RIC3: variants seen among roughly 807,000 people sequenced by gnomAD.
RIC3 encodes the protein protein RIC-3.
Under a neutral mutation model 27.3 loss-of-function variants are expected in RIC3, and 28 were observed. The ratio of observed to expected loss-of-function variants is 1.02; its 90% CI spans 0.76 to 1.41. The LOEUF (loss-of-function observed/expected upper bound fraction) is 1.41. RIC3 is among the 40% of genes most tolerant of loss of function. RIC3 has a pLI of 0.00. For synonymous variants in RIC3, 184 were observed against 160.4 expected, an observed-to-expected ratio of 1.15 and a Z score of -1.11; for missense variants, 501 against 444.7, an observed-to-expected ratio of 1.13 and a Z score of -1.14.
intron 5 of RIC3, among the ~76,000 whole-genome samples, chr11:8,119,836 A>C (rs1156721306): frequency 6.6e-6 from 1 of 152,242 alleles, no homozygotes; most frequent in African/African-American, 2.4e-5. Context: ...AAAAAACTCA[A>C]ATTTATAAGA....
intron 4 of RIC3, among the ~76,000 whole-genome samples, chr11:8,131,069 G>C (rs1947633018): frequency 6.6e-6 from 1 of 152,068 alleles, no homozygotes; most frequent in South Asian, 2.1e-4. Flanking sequence ...AATCACATGA[G>C]ATAGTTATGA....
intron 5 of RIC3, among the ~76,000 whole-genome samples, chr11:8,118,665 C>T (rs183188709): frequency 9.5e-4 from 144 of 151,286 alleles, no homozygotes; most frequent in Middle Eastern, 6.9e-3. Flanking sequence ...GTCAAGAGTT[C>T]GAGACCAGCC....
intron 1 of RIC3, among the ~76,000 whole-genome samples, chr11:8,148,734 T>C (rs1244608872): frequency 6.6e-6 from 1 of 152,028 alleles, no homozygotes; most frequent in African/African-American, 2.4e-5. Flanking sequence ...ATAGAAACAA[T>C]AGTTCCCACA....
rs779757465 is a variant in RIC3, at chr11:8,110,736, T to C, written c.1072A>G (p.Ser358Gly). 6.8e-6 allele frequency: 11 copies of C among 1,614,250 alleles called. No homozygotes were observed. The highest frequency in any genetic ancestry group is 8.5e-6 in the Non-Finnish European group (10 of 1,180,044). Residue 358 changes from serine (S) to glycine (G), a missense_variant, in exon 6 of 6, where the codon AGC becomes GGC. Physicochemically the swap from Ser to Gly is moderately conservative, Grantham distance 56. Transcript: ENST00000309737. ...TGGGGGTTACGCTTCCTCAGCATGCTGCCTGTATATGCTTTATCGGTGCTG... is the reference window on the plus strand; with the variant it reads ...TGGGGGTTACGCTTCCTCAGCATGCCGCCTGTATATGCTTTATCGGTGCTG... ...GISTDKAYTG[S>G]MLRKRNPQGL...
Position 8,138,503 on chromosome 11 carries a change from C to T in RIC3, c.352-156G>A, listed in dbSNP as rs182956148. The stretch of plus-strand genomic sequence containing the variant: ...TAGAGAAATAGCTCAAAAAAAAAAA[C>T]GCCAAAAGATGAGGTTTCCAAGTAA... On this transcript the variant is annotated intron_variant, in intron 2 of 5. Coordinates refer to ENST00000309737, the MANE Select transcript of RIC3 (RefSeq NM_001206671.4). 2.2e-3 allele frequency: 1,052 copies of T among 478,792 alleles called. 6 individuals carry two copies. Among genetic ancestry groups the T allele is most frequent in the Non-Finnish European group, 3.2e-3 (869 of 274,530 alleles). 29.7% of individuals were successfully genotyped at this position (478,792 alleles called of 1,614,324 possible).
chr11:8,134,049 G>A (rs977888198), intron 4 of RIC3, among the ~76,000 whole-genome samples: 4 of 151,678 alleles, frequency 2.6e-5, no homozygotes, highest in Non-Finnish European at 1.5e-5. Context: ...ACAATGTGCT[G>A]GTTTGTTACA....
chr11:8,122,696 T>C (rs1054818036), intron 5 of RIC3, among the ~76,000 whole-genome samples: 1 of 152,164 alleles, frequency 6.6e-6, no homozygotes, highest in African/African-American at 2.4e-5. Flanking sequence ...AAGGCTGTTC[T>C]GGACCCAAAC....
intron 2 of RIC3, 59 bp downstream of exon 2, chr11:8,139,908 A>T (rs574363791): frequency 6.9e-7 from 1 of 1,454,660 alleles, no homozygotes; most frequent in East Asian, 2.3e-5. Flanking sequence ...GTAGACAATG[A>T]TTTTTATTGC....
intron 4 of RIC3, chr11:8,135,497 T>C (rs1171178611): frequency 6.6e-6 from 1 of 152,212 alleles, no homozygotes; most frequent in African/African-American, 2.4e-5. Context: ...AACTTTAAAG[T>C]AGTTTTTTCC....
At chr11:8,134,454 A>G (rs1948120908) in intron 4 of RIC3, among the ~76,000 whole-genome samples, 1 of 152,188 alleles carries the variant, frequency 6.6e-6, no homozygotes, top group African/African-American at 2.4e-5. Context: ...CTCAGTAAAC[A>G]TATGTGTGCA....
At chr11:8,098,850 G>T in the RIC3 span, 1 of 1,614,024 alleles carries the variant, frequency 6.2e-7, no homozygotes, top group Non-Finnish European at 8.5e-7. Context: ...GGAACCTTAC[G>T]TCAGGAGCTG....
chr11:8,166,025 G>A (rs1450840554), intron 1 of RIC3, among the ~76,000 whole-genome samples: 1 of 152,102 alleles, frequency 6.6e-6, no homozygotes, highest in Non-Finnish European at 1.5e-5. Flanking sequence ...CCAGGCTCAA[G>A]CAATCCTTCC....
chr11:8,144,098 C>T (rs1005054118), intron 1 of RIC3, among the ~76,000 whole-genome samples: 12 of 152,200 alleles, frequency 7.9e-5, no homozygotes, highest in African/African-American at 2.9e-4. Flanking sequence ...CTAGGCATTA[C>T]CATTCAGGAC....
At chr11:8,096,725 T>G in the RIC3 span, 4 of 1,613,868 alleles carry the variant, frequency 2.5e-6, no homozygotes, top group African/African-American at 1.3e-5. Flanking sequence ...ATGAGGAGGA[T>G]GAGGAGGAGA....
At chr11:8,157,191 CATGAACA>C (rs1565118799) in intron 1 of RIC3, among the ~76,000 whole-genome samples, 1 of 152,198 alleles carries the variant, frequency 6.6e-6, no homozygotes, top group Non-Finnish European at 1.5e-5. Context: ...ACAGACAAAA[CATGAACA>C]CTGTCCAAGC....
chr11:8,098,684 G>C, the RIC3 span: 3 of 1,163,282 alleles, frequency 2.6e-6, no homozygotes, highest in Non-Finnish European at 3.8e-6. Context: ...GCTCCTCATA[G>C]GACAGACGAT....
At position 8,153,993 on chromosome 11, in the gene RIC3, C is replaced by A. The variant is rs115440452; in HGVS notation, c.125-13800G>T. ...GTTAACAGGCCTCTACAGGTAGCAA[C>A]CTCACCTCTTGGATCTTGGTACCAC... On this transcript the variant is annotated intron_variant, in intron 1 of 5. Transcript: ENST00000309737. 6.3e-3 allele frequency among the ~76,000 whole-genome samples: 956 copies of A among 152,238 alleles called. 11 individuals carry two copies. The highest frequency in any genetic ancestry group is 0.022 in the African/African-American group (932 of 41,546).
At chr11:8,155,342 A>G (rs557948176) in intron 1 of RIC3, among the ~76,000 whole-genome samples, 1 of 152,204 alleles carries the variant, frequency 6.6e-6, no homozygotes, top group East Asian at 1.9e-4. Flanking sequence ...TTGGGAGGCC[A>G]AGGCGGGCAG....
At chr11:8,155,758 A>T (rs923312512) in intron 1 of RIC3, among the ~76,000 whole-genome samples, 3 of 152,190 alleles carry the variant, frequency 2.0e-5, no homozygotes, top group Non-Finnish European at 2.9e-5. Context: ...AAAGAACTGG[A>T]CATGTTTCTA....
Sources: allele counts gnomAD v4.1 joint callset (sites outside exome capture counted in the v4.1 genomes callset), GRCh38; gene constraint gnomAD v4.1.1; transcripts MANE v1.5; gene names NCBI Gene and HGNC (gene_info 2026-07-23, HGNC 2026-07-21).